WWOX: variants seen among roughly 807,000 people sequenced by gnomAD.
WWOX encodes WW domain-containing oxidoreductase.
A neutral mutation model predicts 46.2 loss-of-function variants in WWOX; 69 were observed. The observed-to-expected ratio is 1.49, with a 90% CI of 1.23 to 1.82. The LOEUF is 1.82. Ranked by LOEUF, WWOX falls within the 40% of genes most tolerant of loss-of-function variation. The pLI is 0.00. For synonymous variants in WWOX, 359 were observed against 202.6 expected, an observed-to-expected ratio of 1.77 and a Z score of -6.56; for missense variants, 919 against 542.6, an observed-to-expected ratio of 1.69 and a Z score of -6.89.
chr16:78,867,928 A>C (rs2044042185), intron 8 of WWOX, among the ~76,000 whole-genome samples: 1 of 152,220 alleles, frequency 6.6e-6, no homozygotes, highest in Non-Finnish European at 1.5e-5. Context: ...ACTGTCATTC[A>C]CTGCTGGTGG....
intron 8 of WWOX, among the ~76,000 whole-genome samples, chr16:79,005,316 T>C (rs1407048592): frequency 6.6e-6 from 1 of 152,156 alleles, no homozygotes; most frequent in Non-Finnish European, 1.5e-5. Flanking sequence ...ACACACAGTT[T>C]CCTAGAATCA....
rs75014112 is a variant in WWOX at position 78,258,286 on chromosome 16, G to T, written c.516+93997G>T. Among the ~76,000 whole-genome samples the T allele has an allele frequency of 7.2e-3, 1,102 of 152,168 alleles. 8 individuals are homozygous for T. Among genetic ancestry groups the T allele is most frequent in the Middle Eastern group, 0.031 (9 of 294 alleles). On this transcript the variant is annotated intron_variant, in intron 5 of 8. Coordinates refer to ENST00000566780, the MANE Select transcript of WWOX (RefSeq NM_016373.4). ...GTACCAGCAAATTCTACCGTATATT[G>T]TTTGCTCTCCGTTTGGTGGGACTAA...
chr16:78,859,329 C>G (rs938730312), intron 8 of WWOX, among the ~76,000 whole-genome samples: 1 of 151,970 alleles, frequency 6.6e-6, no homozygotes, highest in African/African-American at 2.4e-5. Context: ...CTTCTCCCTA[C>G]TCCCTTCCTG....
chr16:78,169,688 C>G (rs180689768), intron 5 of WWOX, among the ~76,000 whole-genome samples: 5 of 151,880 alleles, frequency 3.3e-5, no homozygotes, highest in Non-Finnish European at 4.4e-5. Flanking sequence ...AACTCTGGTC[C>G]TGTGGAAGAA....
At chr16:78,353,308 T>C (rs9922850) in intron 5 of WWOX, among the ~76,000 whole-genome samples, 13,023 of 152,098 alleles carry the variant, frequency 0.086, 589 homozygotes, top group Middle Eastern at 0.11. Context: ...ATCAAGTAAA[T>C]CGAGAGGTAA....
In WWOX at chr16:78,894,875, A is replaced by T. The variant is rs191308276; in HGVS notation, c.1057-316733A>T. ...AACAGTGACTAACTGAGCACTGTGC[A>T]TAACTCAGTTCTCGGAATTTTCAAT... On this transcript the variant is annotated intron_variant, in intron 8 of 8. Coordinates refer to ENST00000566780, the MANE Select transcript of WWOX (RefSeq NM_016373.4). Among the ~76,000 whole-genome samples, 3 of 152,318 alleles carry T rather than the reference A, an allele frequency of 2.0e-5. No homozygotes were observed. In the East Asian group the frequency reaches 5.8e-4, roughly 29 times the overall value.
intron 8 of WWOX, among the ~76,000 whole-genome samples, chr16:78,912,414 C>T (rs769510016): frequency 7.2e-5 from 11 of 151,932 alleles, no homozygotes; most frequent in Non-Finnish European, 1.3e-4. Context: ...TGCCCAGGGT[C>T]ACACAATTAG....
chr16:78,334,216 C>G (rs879245181), intron 5 of WWOX, among the ~76,000 whole-genome samples: 2 of 152,208 alleles, frequency 1.3e-5, no homozygotes, highest in Admixed American at 6.5e-5. Flanking sequence ...TACCACATCG[C>G]TGCCACAAAC....
intron 8 of WWOX, among the ~76,000 whole-genome samples, chr16:79,081,898 G>T (rs367755183): frequency 2.0e-5 from 3 of 152,100 alleles, no homozygotes; most frequent in African/African-American, 7.2e-5. Context: ...ACTCTGATGG[G>T]CGAGTTCACT....
intron 8 of WWOX, among the ~76,000 whole-genome samples, chr16:79,123,662 C>T (rs926239635): frequency 6.6e-6 from 1 of 152,094 alleles, no homozygotes; most frequent in Non-Finnish European, 1.5e-5. Flanking sequence ...CTATTTCTTT[C>T]TCACCCACAG....
intron 5 of WWOX, among the ~76,000 whole-genome samples, chr16:78,358,690 GTGTGTA>G (rs767012269): frequency 8.3e-5 from 11 of 131,946 alleles, no homozygotes; most frequent in Admixed American, 3.0e-4. Context: ...GTGTGTGTGT[GTGTGTA>G]TGTACATGAA....
At chr16:78,949,792 C>T (rs2046021901) in intron 8 of WWOX, among the ~76,000 whole-genome samples, 1 of 152,342 alleles carries the variant, frequency 6.6e-6, no homozygotes, top group South Asian at 2.1e-4. Flanking sequence ...TCAATGCGTG[C>T]ATCCTACATT....
chr16:78,875,754 C>T (rs902867831), intron 8 of WWOX, among the ~76,000 whole-genome samples: 4 of 152,196 alleles, frequency 2.6e-5, no homozygotes, highest in Non-Finnish European at 4.4e-5. Flanking sequence ...TTTCAACTGG[C>T]CTGTCAGTGT....
At chr16:79,113,467 C>T (rs4888928) in intron 8 of WWOX, among the ~76,000 whole-genome samples, 148,305 of 152,348 alleles carry the variant, frequency 0.97, 72,221 homozygotes, top group Middle Eastern at 1. Flanking sequence ...CTTGGTACAA[C>T]ATTTGCAATA....
chr16:78,863,309 C>T (rs1394798593), intron 8 of WWOX, among the ~76,000 whole-genome samples: 1 of 152,202 alleles, frequency 6.6e-6, no homozygotes, highest in Non-Finnish European at 1.5e-5. Context: ...GCAGTACATT[C>T]TCTACTTAGT....
chr16:78,169,426 C>T (rs551936057), intron 5 of WWOX, among the ~76,000 whole-genome samples: 61 of 151,068 alleles, frequency 4.0e-4, no homozygotes, highest in Admixed American at 7.3e-4. Flanking sequence ...CTTTATTTCT[C>T]GGGGTCTGGC....
At chr16:79,036,751 A>G (rs1464405057) in intron 8 of WWOX, among the ~76,000 whole-genome samples, 2 of 152,192 alleles carry the variant, frequency 1.3e-5, no homozygotes, top group Admixed American at 1.3e-4. Context: ...TGGGAAGAGT[A>G]AACAGGCATG....
At chr16:78,889,561 G>A (rs1430367354) in intron 8 of WWOX, among the ~76,000 whole-genome samples, 1 of 152,064 alleles carries the variant, frequency 6.6e-6, no homozygotes. Flanking sequence ...GTGTCCACTG[G>A]TCTCCACTAG....
intron 5 of WWOX, among the ~76,000 whole-genome samples, chr16:78,375,970 C>A (rs1326035180): frequency 6.6e-5 from 10 of 151,736 alleles, no homozygotes; most frequent in Admixed American, 6.6e-4. Context: ...TCTGCCTCAG[C>A]CTTCCAATTA....
Sources: gnomAD v4.1 joint callset for allele counts (sites outside exome capture counted in the v4.1 genomes callset) on GRCh38, gnomAD v4.1.1 for gene constraint, MANE v1.5 for transcripts, NCBI Gene and HGNC (gene_info 2026-07-23, HGNC 2026-07-21) for gene names.